AGGF1: variants seen among roughly 807,000 people sequenced by gnomAD.
AGGF1 encodes the protein angiogenic factor with G patch and FHA domains 1.
A neutral mutation model predicts 86.5 loss-of-function variants in AGGF1; 56 were observed. The ratio of observed to expected loss-of-function variants is 0.65; its 90% confidence interval spans 0.52 to 0.81. AGGF1 has a LOEUF of 0.81. Among genes scored for constraint, AGGF1 ranks in the 30% least tolerant of loss-of-function variants. The probability of loss-of-function intolerance (pLI) is 0.00; values close to 1 mark genes in which losing one functional copy is unlikely to be tolerated. For missense variants in AGGF1, 816 were observed against 850.9 expected (o/e 0.96, Z 0.51); for synonymous variants, 313 against 297.1 (o/e 1.05, Z -0.55).
intron 2 of AGGF1, 55 bp from the exon 3 acceptor site, chr5:77,035,486 T>G: frequency 7.2e-7 from 1 of 1,387,566 alleles, no homozygotes; most frequent in Non-Finnish European, 1.0e-6. Flanking sequence ...AGTTAAGTCC[T>G]TTTTATATAC....
Position 77,039,560 on chromosome 5 carries a change from T to C in AGGF1, c.711T>C (p.Thr237=). Residue 237 remains threonine, a synonymous_variant, in exon 5 of 14, where the codon ACT becomes ACC. Transcript: ENST00000312916. ...SENQLYYDPS[T]GIYYYCDVES... ...ATCAACTCTATTATGATCCTTCCAC[T>C]GGAATTTATTACTATTGTGATGTGG... 6.2e-7 allele frequency: 1 copy of C among 1,610,506 alleles called. No individual in the cohort carries two copies. Among genetic ancestry groups the C allele is most frequent in the Non-Finnish European group, 8.5e-7 (1 of 1,178,228 alleles).
Position 77,048,964 on chromosome 5 carries a change from AT to A in AGGF1, c.1343del (p.Ile448ThrfsTer102). The A allele has an allele frequency of 6.2e-7, 1 of 1,613,824 alleles. No individual in the cohort carries two copies. The highest frequency in any genetic ancestry group is 8.5e-7 in the Non-Finnish European group (1 of 1,179,882). ...REKDMEHTLRIPEVGVSKFHA... is the reference protein window; with the variant it reads ...REKDMEHTLRXPEVGVSKFHA... The stretch of plus-strand genomic sequence containing the variant: ...AAAGGATATGGAACATACTCTCCGA[AT>A]CCCTGAAGTTGGTGTCAGTAAGGTA... On this transcript the variant is annotated frameshift_variant, in exon 8 of 14. Transcript: ENST00000312916. LOFTEE classifies it high-confidence loss of function.
intron 5 of AGGF1, among the ~76,000 whole-genome samples, chr5:77,043,479 C>T (rs1213080477): frequency 4.3e-5 from 4 of 93,686 alleles, no homozygotes; most frequent in East Asian, 2.8e-4. Context: ...GTTGGCCGGG[C>T]GGAGGGCTGA....
intron 1 of AGGF1, 29 bp downstream of exon 1, chr5:77,031,005 C>T (rs1196600513): frequency 6.2e-7 from 1 of 1,609,842 alleles, no homozygotes; most frequent in African/African-American, 1.3e-5. Flanking sequence ...CCCCGCGCCC[C>T]ATCCAGCCCA....
At chr5:77,039,749 A>G (rs764360391) in intron 5 of AGGF1, 30 bp downstream of exon 5, 5 of 1,584,702 alleles carry the variant, frequency 3.2e-6, no homozygotes, top group Non-Finnish European at 4.3e-6. Flanking sequence ...AAAAATTGAC[A>G]TAATGGTGAT....
Position 77,064,868 on chromosome 5 carries a change from T to C in AGGF1, c.*1616T>C, listed in dbSNP as rs1022162115. On this transcript the variant is annotated 3_prime_UTR_variant, in exon 14 of 14. Coordinates refer to ENST00000312916, the MANE Select transcript of AGGF1 (RefSeq NM_018046.5). ...ATATGACTGTCTATAATATTTTCCA[T>C]TTGTATTATTATATTGGGGAAAACA... The C allele has an allele frequency of 6.6e-6, 1 of 152,198 alleles. No homozygotes were observed. Among genetic ancestry groups the C allele is most frequent in the Admixed American group, 6.5e-5 (1 of 15,274 alleles). The allele number at this position is 152,198 out of a possible 1,614,324, so 9.4% of individuals were successfully genotyped here.
chr5:77,061,133 T>C (rs1747557440), intron 12 of AGGF1, among the ~76,000 whole-genome samples: 1 of 152,176 alleles, frequency 6.6e-6, no homozygotes, highest in Non-Finnish European at 1.5e-5. Context: ...TGATACATCA[T>C]AAGATTAACA....
At position 77,048,958 on chromosome 5, in the gene AGGF1, C is replaced by T; in HGVS notation, c.1336C>T (p.Leu446Phe). The T allele has an allele frequency of 6.2e-7, 1 of 1,613,780 alleles. No homozygotes were observed. Among genetic ancestry groups the T allele is most frequent in the Non-Finnish European group, 8.5e-7 (1 of 1,179,870 alleles). The change falls in exon 8 of 14, where the codon CTC (leucine) becomes TTC (phenylalanine). Residue 446 changes from leucine (L) to phenylalanine (F), a missense_variant. By Grantham distance (22) the Leu-to-Phe change is conservative. Coordinates refer to ENST00000312916, the MANE Select transcript of AGGF1 (RefSeq NM_018046.5). Reference sequence around the variant, plus strand: ...CAGAGAAAAGGATATGGAACATACTCTCCGAATCCCTGAAGTTGGTGTCAG... The same window carrying T: ...CAGAGAAAAGGATATGGAACATACTTTCCGAATCCCTGAAGTTGGTGTCAG... ...IGREKDMEHT[L>F]RIPEVGVSKF...
chr5:77,031,465 C>T (rs1746851908), intron 1 of AGGF1, among the ~76,000 whole-genome samples: 2 of 152,202 alleles, frequency 1.3e-5, no homozygotes, highest in South Asian at 2.1e-4. Flanking sequence ...TAAGGTTGCT[C>T]TTCTGGGCGT....
intron 12 of AGGF1, 118 bp from the exon 13 acceptor site, chr5:77,061,585 G>A: frequency 1.1e-6 from 1 of 941,446 alleles, no homozygotes; most frequent in African/African-American, 1.7e-5. Flanking sequence ...ACTTTGTTAG[G>A]TAATGCCAAG....
At chr5:77,041,349 C>A (rs1323683480) in intron 5 of AGGF1, among the ~76,000 whole-genome samples, 1 of 151,906 alleles carries the variant, frequency 6.6e-6, no homozygotes, top group Non-Finnish European at 1.5e-5. Context: ...GGCGGGTTGC[C>A]TGAGGTCAGG....
At chr5:77,061,870 C>A in intron 13 of AGGF1, 68 bp downstream of exon 13, 2 of 1,440,976 alleles carry the variant, frequency 1.4e-6, no homozygotes, top group South Asian at 1.1e-5. Context: ...ATTAATGTGC[C>A]AAACGTTGCC....
intron 1 of AGGF1, among the ~76,000 whole-genome samples, chr5:77,032,432 G>A (rs1746883967): frequency 6.6e-6 from 1 of 151,612 alleles, no homozygotes; most frequent in Non-Finnish European, 1.5e-5. Flanking sequence ...AGCCGAGCGT[G>A]GTGGCGGGCG....
At chr5:77,055,703 A>G (rs908188204) in intron 11 of AGGF1, 107 bp downstream of exon 11, 3 of 766,982 alleles carry the variant, frequency 3.9e-6, no homozygotes, top group African/African-American at 3.5e-5. Flanking sequence ...GTTGTGTAGT[A>G]TGATTTCGTG....
Position 77,030,901 on chromosome 5 carries a change from G to A in AGGF1, c.135G>A (p.Glu45=), listed in dbSNP as rs1746834978. Residue 45 remains glutamate, a synonymous_variant, in exon 1 of 14, where the codon GAG becomes GAA. Transcript: ENST00000312916. ...GGAGCTGCAAGCGGCAGGTGCGGGA[G>A]ATCGAGAAGCTGCTGCATCACACAG... ...ELRSCKRQVR[E]IEKLLHHTER... is the part of the protein sequence containing the mutation. 6 of 1,613,396 alleles carry A rather than the reference G, an allele frequency of 3.7e-6. No individual in the cohort carries two copies. The highest frequency in any genetic ancestry group is 4.2e-6 in the Non-Finnish European group (5 of 1,180,004).
Position 77,054,118 on chromosome 5 carries a change from G to A in AGGF1, c.1621G>A (p.Asp541Asn), listed in dbSNP as rs763258003. ...VRAHLRLDKKDESFVGPTLSK... is the reference protein window; with the variant it reads ...VRAHLRLDKKNESFVGPTLSK... ...AGCCCACCTTCGCCTTGATAAGAAA[G>A]ATGAATCTTTTGGTATGTGAAACAG... Residue 541 changes from aspartate to asparagine, a missense_variant, in exon 10 of 14, where the codon GAT (aspartate) becomes AAT (asparagine). Around this residue, in one of 3 missense-constraint regions of AGGF1, gnomAD observed 565 missense variants for 585.8 expected, o/e 0.96. Coordinates refer to ENST00000312916, the MANE Select transcript of AGGF1 (RefSeq NM_018046.5). The A allele has an allele frequency of 2.2e-5, 35 of 1,614,114 alleles. No individual in the cohort carries two copies. The South Asian group carries it at 3.0e-4, about 14-fold the overall frequency.
At chr5:77,048,307 G>T in intron 7 of AGGF1, 35 bp downstream of exon 7, 1 of 1,466,376 alleles carries the variant, frequency 6.8e-7, no homozygotes, top group East Asian at 2.3e-5. Context: ...CATTCTTTCA[G>T]TTATTTCAGA....
intron 5 of AGGF1, among the ~76,000 whole-genome samples, chr5:77,040,865 C>T (rs1321670220): frequency 2.6e-5 from 4 of 152,062 alleles, no homozygotes; most frequent in Non-Finnish European, 5.9e-5. Flanking sequence ...TCCTTCTGTC[C>T]TGTCCTGTTC....
At chr5:77,055,230 A>G (rs558418290) in intron 10 of AGGF1, among the ~76,000 whole-genome samples, 15 of 152,228 alleles carry the variant, frequency 9.9e-5, no homozygotes, top group African/African-American at 2.4e-4. Context: ...TTGAGATTCT[A>G]TTACAATAAT....
Sources: gnomAD v4.1 joint callset for allele counts (sites outside exome capture counted in the v4.1 genomes callset) on GRCh38, gnomAD v4.1.1 for gene constraint, gnomAD v4.1.1 regional missense constraint, MANE v1.5 for transcripts, NCBI Gene and HGNC (gene_info 2026-07-23, HGNC 2026-07-21) for gene names.